SLC4A3: variants seen among roughly 807,000 people sequenced by gnomAD.
The protein encoded by SLC4A3 is anion exchange protein 3.
SLC4A3 carries 47 observed loss-of-function variants against 114.2 expected under a neutral mutation model. That is an observed-to-expected ratio of 0.41 (90% confidence interval 0.33 to 0.52). The LOEUF is 0.52. Among genes scored for constraint, SLC4A3 ranks in the 20% least tolerant of loss-of-function variants. SLC4A3 has a pLI of 0.21. For synonymous variants in SLC4A3, 693 were observed against 710.3 expected (o/e 0.98, Z 0.39); for missense variants, 1,312 against 1,668.3 (o/e 0.79, Z 3.72).
chr2:219,636,687 G>A lies in SLC4A3; in HGVS notation c.2348G>A (p.Arg783Gln), dbSNP rs746756356. The change falls in exon 16 of 23, where the codon CGA becomes CAA. Residue 783 changes from arginine to glutamine, a missense_variant. This residue lies in a region of SLC4A3 where 771 missense variants were observed against 977.7 expected (regional missense o/e 0.79). Transcript: ENST00000358055. This position sits in a 1 kb window ranked among gnomAD's most constrained non-coding sequence, Gnocchi z 5.5. ...VFEEAFFKFC[R>Q]AQDLEYLTGR... ...GCTCCTACCCCCACCTAGTTCTGCC[G>A]AGCCCAGGACCTGGAGTACCTCACT... The A allele has an allele frequency of 1.4e-5, 23 of 1,613,158 alleles. No individual in the cohort carries two copies. The African/African-American group carries it at 1.7e-4, about 12-fold the overall frequency.
chr2:219,632,436 G>A lies in SLC4A3; in HGVS notation c.1135G>A (p.Ala379Thr), dbSNP rs761799917. ...CCTTCTGGAGCTCAGGAGGACCATC[G>A]CCCATGGTAGGGACCCCCAGGCCTG... ...RSLLELRRTI[A>T]HGAALLDLEQ... Residue 379 changes from alanine (A) to threonine (T), a missense_variant, in exon 8 of 23, where the codon GCC becomes ACC. By Grantham distance (58) the Ala-to-Thr change is moderately conservative. Around this residue, in one of 4 missense-constraint regions of SLC4A3, gnomAD observed 771 missense variants for 977.7 expected, o/e 0.79. Transcript: ENST00000358055. The A allele has an allele frequency of 1.1e-5, 18 of 1,590,204 alleles. No homozygotes were observed. The South Asian group carries it at 1.2e-4, about 10-fold the overall frequency.
In SLC4A3 at chr2:219,630,773, A is replaced by C; in HGVS notation, c.811+421A>C. Among the ~76,000 whole-genome samples, 2 of 149,374 alleles carry C rather than the reference A, an allele frequency of 1.3e-5. No individual in the cohort carries two copies. Among genetic ancestry groups the C allele is most frequent in the African/African-American group, 2.5e-5 (1 of 40,464 alleles). On this transcript the variant is annotated intron_variant, in intron 6 of 22. Transcript: ENST00000358055. This position sits in a 1 kb window ranked among gnomAD's most constrained non-coding sequence, Gnocchi z 6.9. ...CAGGACCCTTCACTCCCATCCCACTACCCTTGGGGGGGGCCTGGCTGTGAT... is the reference window on the plus strand; with the variant it reads ...CAGGACCCTTCACTCCCATCCCACTCCCCTTGGGGGGGGCCTGGCTGTGAT...
At position 219,635,853 on chromosome 2, in the gene SLC4A3, C is replaced by A. The variant is rs1374603949; in HGVS notation, c.2153C>A (p.Ala718Glu). 6.4e-7 allele frequency: 1 copy of A among 1,553,160 alleles called. No individual in the cohort carries two copies. Among genetic ancestry groups the A allele is most frequent in the South Asian group, 1.3e-5 (1 of 79,754 alleles). Residue 718 changes from alanine to glutamate, a missense_variant, in exon 14 of 23, where the codon GCA becomes GAA. Physicochemically the swap from Ala to Glu is moderately radical, Grantham distance 107. Coordinates refer to ENST00000358055, the MANE Select transcript of SLC4A3 (RefSeq NM_005070.4). ...GCCGCTGTGCTCTTCATCTACTTCG[C>A]AGCCCTCAGCCCTGCCATCACCTTC... is the stretch of plus-strand genomic sequence containing the variant. ...CVAAVLFIYFAALSPAITFGG... is the reference protein window; with the variant it reads ...CVAAVLFIYFEALSPAITFGG...
Position 219,635,505 on chromosome 2 carries a change from C to G in SLC4A3, c.1972+9C>G. On this transcript the variant is annotated intron_variant, in intron 13 of 22. Coordinates refer to ENST00000358055, the MANE Select transcript of SLC4A3 (RefSeq NM_005070.4). ...CACGGCCCCTGGGAAAGGTCAGACC[C>G]TTGGAGGCTGAGTGCCCCCAATACA... 6.3e-7 allele frequency: 1 copy of G among 1,595,462 alleles called. No individual in the cohort carries two copies. The highest frequency in any genetic ancestry group is 8.5e-7 in the Non-Finnish European group (1 of 1,169,800).
At position 219,637,826 on chromosome 2, in the gene SLC4A3, G is replaced by A. The variant is rs909119177; in HGVS notation, c.2766+15G>A. On this transcript the variant is annotated intron_variant, in intron 17 of 22. Coordinates refer to ENST00000358055, the MANE Select transcript of SLC4A3 (RefSeq NM_005070.4). This position sits in a 1 kb window ranked among gnomAD's most constrained non-coding sequence, Gnocchi z 4.6. ...TGGGGGGCAAGGTGCGTGGCTGCTG[G>A]GTGTGGAGCCCCCAAGAGTCCCACA... is the stretch of plus-strand genomic sequence containing the variant. 6.3e-7 allele frequency: 1 copy of A among 1,581,000 alleles called. No individual in the cohort carries two copies. The highest frequency in any genetic ancestry group is 1.3e-5 in the African/African-American group (1 of 74,338).
At position 219,636,777 on chromosome 2, in the gene SLC4A3, G is replaced by A. The variant is rs1699133204; in HGVS notation, c.2438G>A (p.Ser813Asn). Reference protein sequence around the residue: ...FVLALVAAEGSFLVRYISPFT... With the variant: ...FVLALVAAEGNFLVRYISPFT... ...CTTGCCCTGGTGGCCGCCGAAGGCAGCTTCCTGGTCCGCTACATCTCGCCT... is the reference window on the plus strand; with the variant it reads ...CTTGCCCTGGTGGCCGCCGAAGGCAACTTCCTGGTCCGCTACATCTCGCCT... Residue 813 changes from serine (S) to asparagine (N), a missense_variant, in exon 16 of 23, where the codon AGC becomes AAC. Ser to Asn is a conservative substitution (Grantham distance 46). Around this residue, in one of 4 missense-constraint regions of SLC4A3, gnomAD observed 771 missense variants for 977.7 expected, o/e 0.79. Coordinates refer to ENST00000358055, the MANE Select transcript of SLC4A3 (RefSeq NM_005070.4). This position sits in a 1 kb window ranked among gnomAD's most constrained non-coding sequence, Gnocchi z 5.5. The A allele has an allele frequency of 1.2e-6, 2 of 1,614,126 alleles. No individual in the cohort carries two copies. The highest frequency in any genetic ancestry group is 4.5e-5 in the East Asian group (2 of 44,878).
Position 219,641,773 on chromosome 2 carries a change from T to A in SLC4A3, c.*45T>A. The A allele has an allele frequency of 6.6e-7, 1 of 1,518,208 alleles. No homozygotes were observed. Among genetic ancestry groups the A allele is most frequent in the Non-Finnish European group, 9.1e-7 (1 of 1,093,130 alleles). The allele number at this position is 1,518,208 out of a possible 1,614,324, so 94.0% of individuals were successfully genotyped here. On this transcript the variant is annotated 3_prime_UTR_variant, in exon 23 of 23. Coordinates refer to ENST00000358055, the MANE Select transcript of SLC4A3 (RefSeq NM_005070.4). The surrounding 1 kb of genome is among the most constrained non-coding windows in gnomAD (Gnocchi z 4.0). Reference sequence around the variant, plus strand: ...TCAGAGACCCCAAGACCTTAGGGATTGACACCTGGGCCTCAGGCAGAGCCC... The same window carrying A: ...TCAGAGACCCCAAGACCTTAGGGATAGACACCTGGGCCTCAGGCAGAGCCC...
In SLC4A3 at chr2:219,628,219, C is replaced by A. The variant is rs1055884108; in HGVS notation, c.51+176C>A. On this transcript the variant is annotated intron_variant, in intron 2 of 22. Coordinates refer to ENST00000358055, the MANE Select transcript of SLC4A3 (RefSeq NM_005070.4). The surrounding 1 kb of genome is among the most constrained non-coding windows in gnomAD (Gnocchi z 4.8). ...ATATTTTCCAGATCCGTAGCCCTCTCTCTTTACAAGCTCTGGGAGCCCAGA... is the reference window on the plus strand; with the variant it reads ...ATATTTTCCAGATCCGTAGCCCTCTATCTTTACAAGCTCTGGGAGCCCAGA... Among the ~76,000 whole-genome samples, 9 of 152,064 alleles carry A rather than the reference C, an allele frequency of 5.9e-5. No individual in the cohort carries two copies. The highest frequency in any genetic ancestry group is 8.8e-5 in the Non-Finnish European group (6 of 67,984).
Position 219,636,211 on chromosome 2 carries a change from T to G in SLC4A3, c.2192-91T>G. 2.0e-6 allele frequency: 3 copies of G among 1,494,234 alleles called. No homozygotes were observed. Among genetic ancestry groups the G allele is most frequent in the Non-Finnish European group, 2.8e-6 (3 of 1,087,548 alleles). The allele number at this position is 1,494,234 out of a possible 1,614,324, so 92.6% of individuals were successfully genotyped here. A position where few individuals can be genotyped will look rare whatever the true frequency, so the allele number is the denominator to read the frequency against. Reference sequence around the variant, plus strand: ...GTCACTCTAAGGGGCTGCTCTGCTTTTGTTGGGGGCCCCAGTTTAGGACAA... The same window carrying G: ...GTCACTCTAAGGGGCTGCTCTGCTTGTGTTGGGGGCCCCAGTTTAGGACAA... On this transcript the variant is annotated intron_variant, in intron 14 of 22. Coordinates refer to ENST00000358055, the MANE Select transcript of SLC4A3 (RefSeq NM_005070.4). This position sits in a 1 kb window ranked among gnomAD's most constrained non-coding sequence, Gnocchi z 5.5.
Position 219,635,801 on chromosome 2 carries a change from C to T in SLC4A3, c.2101C>T (p.Arg701Ter), listed in dbSNP as rs1471805834. The T allele has an allele frequency of 1.3e-6, 2 of 1,593,220 alleles. No individual in the cohort carries two copies. The highest frequency in any genetic ancestry group is 1.7e-6 in the Non-Finnish European group (2 of 1,171,370). The change falls in exon 14 of 23, where the codon CGA (arginine) becomes TGA (stop). Residue 701 changes from arginine (R) to a stop codon, truncating the protein, a stop_gained. Coordinates refer to ENST00000358055, the MANE Select transcript of SLC4A3 (RefSeq NM_005070.4). LOFTEE classifies it high-confidence loss of function. ...GTACCCGCACTACCCCAGTGACCTG[C>T]GAGATGCGCTGCACTCCCAGTGTGT... is the stretch of plus-strand genomic sequence containing the variant. Reference protein sequence around the residue: ...RRYPHYPSDLRDALHSQCVAA... With the variant: ...RRYPHYPSDL
rs2106208252 is a variant in SLC4A3 at position 219,641,254 on chromosome 2, A to T, written c.3621+292A>T. Reference sequence around the variant, plus strand: ...CACACAGCTGTGCAGGTGGTGCCTGACCAAAAACACCCGGCTGAGAGGCTA... The same window carrying T: ...CACACAGCTGTGCAGGTGGTGCCTGTCCAAAAACACCCGGCTGAGAGGCTA... On this transcript the variant is annotated intron_variant, in intron 22 of 22. Coordinates refer to ENST00000358055, the MANE Select transcript of SLC4A3 (RefSeq NM_005070.4). The surrounding 1 kb of genome is among the most constrained non-coding windows in gnomAD (Gnocchi z 4.0). Among the ~76,000 whole-genome samples, 1 of 152,254 alleles carries T rather than the reference A, an allele frequency of 6.6e-6. No individual in the cohort carries two copies. Among genetic ancestry groups the T allele is most frequent in the South Asian group, 2.1e-4 (1 of 4,822 alleles).
rs901405848 is a variant in SLC4A3 at position 219,638,520 on chromosome 2, T to G, written c.2857-183T>G. ...TCAGGGAGGAGGCGCTTCATTTCCCTGCCCTCTATTGGATCCTTGAAAGGA... is the reference window on the plus strand; with the variant it reads ...TCAGGGAGGAGGCGCTTCATTTCCCGGCCCTCTATTGGATCCTTGAAAGGA... On this transcript the variant is annotated intron_variant, in intron 18 of 22. Coordinates refer to ENST00000358055, the MANE Select transcript of SLC4A3 (RefSeq NM_005070.4). The surrounding 1 kb of genome is among the most constrained non-coding windows in gnomAD (Gnocchi z 7.5). 2.0e-5 allele frequency among the ~76,000 whole-genome samples: 3 copies of G among 152,196 alleles called. No homozygotes were observed. Among genetic ancestry groups the G allele is most frequent in the Non-Finnish European group, 4.4e-5 (3 of 68,018 alleles).
At position 219,632,914 on chromosome 2, in the gene SLC4A3, C is replaced by T. The variant is rs1353410106; in HGVS notation, c.1182C>T (p.Gly394=). 3.1e-6 allele frequency: 5 copies of T among 1,614,046 alleles called. No individual in the cohort carries two copies. Among genetic ancestry groups the T allele is most frequent in the Non-Finnish European group, 4.2e-6 (5 of 1,180,038 alleles). Residue 394 remains glycine, a synonymous_variant, in exon 9 of 23, where the codon GGC becomes GGT. Transcript: ENST00000358055. The part of the protein sequence containing the change: ...LLDLEQTTLP[G]IAHLVVETMI... ...ACCTGGAGCAAACCACCCTGCCAGGCATTGCACACCTCGTGGTGGAGACCA... is the reference window on the plus strand; with the variant it reads ...ACCTGGAGCAAACCACCCTGCCAGGTATTGCACACCTCGTGGTGGAGACCA...
rs1263679768 is a variant in SLC4A3 at position 219,634,461 on chromosome 2, C to T, written c.1603C>T (p.Arg535Cys). Residue 535 changes from arginine (R) to cysteine (C), a missense_variant, in exon 12 of 23, where the codon CGT becomes TGT. Around this residue, in one of 4 missense-constraint regions of SLC4A3, gnomAD observed 771 missense variants for 977.7 expected, o/e 0.79. Coordinates refer to ENST00000358055, the MANE Select transcript of SLC4A3 (RefSeq NM_005070.4). Reference protein sequence around the residue: ...FLEQPAAAFVRLNEAVLLESV... With the variant: ...FLEQPAAAFVCLNEAVLLESV... ...GGAGCAGCCTGCAGCAGCCTTCGTG[C>T]GTCTGAATGAGGCTGTACTCCTGGA... The T allele has an allele frequency of 1.9e-6, 3 of 1,614,156 alleles. No individual in the cohort carries two copies. The highest frequency in any genetic ancestry group is 1.1e-5 in the South Asian group (1 of 91,082).
intron 7 of SLC4A3, 65 bp downstream of exon 7, chr2:219,632,181 C>A: frequency 6.2e-7 from 1 of 1,606,960 alleles, no homozygotes; most frequent in Non-Finnish European, 8.5e-7. Flanking sequence ...GCCCTCCTCT[C>A]TTTGCCCCCC....
chr2:219,628,772 C>A lies in SLC4A3; in HGVS notation c.217+202C>A. On this transcript the variant is annotated intron_variant, in intron 3 of 22. Coordinates refer to ENST00000358055, the MANE Select transcript of SLC4A3 (RefSeq NM_005070.4). This position sits in a 1 kb window ranked among gnomAD's most constrained non-coding sequence, Gnocchi z 4.8. ...CTGTCCGCCTGCCTGGGGAGGTGGG[C>A]CCCAGACCAGGGGAGATCTAGGGAG... 1 of 653,512 alleles carries A rather than the reference C, an allele frequency of 1.5e-6. No individual in the cohort carries two copies. The highest frequency in any genetic ancestry group is 2.6e-6 in the Non-Finnish European group (1 of 389,382). 40.5% of individuals were successfully genotyped at this position (653,512 alleles called of 1,614,324 possible).
In SLC4A3 at chr2:219,636,393, G is replaced by T; in HGVS notation, c.2283G>T (p.Pro761=). The change falls in exon 15 of 23, where the codon CCG becomes CCT. Residue 761 remains proline, a synonymous_variant. Coordinates refer to ENST00000358055, the MANE Select transcript of SLC4A3 (RefSeq NM_005070.4). This position sits in a 1 kb window ranked among gnomAD's most constrained non-coding sequence, Gnocchi z 5.5. ...TCTTCTCTCTGCTGGGAGCTCAGCC[G>T]CTGCTTGTGGTTGGCTTCTCTGGGC... is the stretch of plus-strand genomic sequence containing the variant. ...GVLFSLLGAQ[P]LLVVGFSGPL... 6.2e-7 allele frequency: 1 copy of T among 1,613,114 alleles called. No individual in the cohort carries two copies. The highest frequency in any genetic ancestry group is 8.5e-7 in the Non-Finnish European group (1 of 1,179,692).
chr2:219,629,725 C>G, intron 5 of SLC4A3, 30 bp downstream of exon 5: 2 of 1,498,668 alleles, frequency 1.3e-6, no homozygotes, highest in Non-Finnish European at 1.8e-6. Flanking sequence ...CTCAGCAGGG[C>G]CCAGCCCAGA....
Position 219,638,738 on chromosome 2 carries a change from T to A in SLC4A3, c.2892T>A (p.Ser964=). The A allele has an allele frequency of 1.2e-6, 2 of 1,614,138 alleles. No homozygotes were observed. Among genetic ancestry groups the A allele is most frequent in the Non-Finnish European group, 1.7e-6 (2 of 1,180,016 alleles). ...TGCCTACAGGGCTCTCAGTGACCTC[T>A]CCCGATAAGCGCTCGTGGTTCATCC... The part of the protein sequence containing the change: ...LTVPTGLSVT[S]PDKRSWFIPP... The change falls in exon 19 of 23, where the codon TCT becomes TCA. Residue 964 remains serine (S), a synonymous_variant. Transcript: ENST00000358055. This position sits in a 1 kb window ranked among gnomAD's most constrained non-coding sequence, Gnocchi z 7.5.
Sources: gnomAD v4.1 joint callset for allele counts (sites outside exome capture counted in the v4.1 genomes callset) on GRCh38, gnomAD v4.1.1 for gene constraint, gnomAD v4.1.1 regional missense constraint, Gnocchi (gnomAD v3.1) non-coding constraint, MANE v1.5 for transcripts, NCBI Gene and HGNC (gene_info 2026-07-23, HGNC 2026-07-21) for gene names.